HHLA1: variants seen among roughly 807,000 people sequenced by gnomAD.
The protein encoded by HHLA1 is HHLA1 neighbor of OC90.
Under a neutral mutation model 69.9 loss-of-function variants are expected in HHLA1, and 72 were observed. The ratio of observed to expected loss-of-function variants is 1.03; its 90% CI spans 0.85 to 1.25. HHLA1 has a LOEUF of 1.25. HHLA1 is among the 50% of genes most tolerant of loss of function. HHLA1 has a pLI of 0.00. For synonymous variants in HHLA1, 252 were observed against 233.2 expected, an observed-to-expected ratio of 1.08 and a Z score of -0.73; for missense variants, 685 against 642.2, an observed-to-expected ratio of 1.07 and a Z score of -0.72.
At chr8:132,066,245 G>A (rs74979061) in intron 15 of HHLA1, among the ~76,000 whole-genome samples, 2,206 of 152,194 alleles carry the variant, frequency 0.014, 38 homozygotes, top group African/African-American at 0.046. Context: ...TAATTCTCTG[G>A]ACTTTAATTT....
chr8:132,103,212 T>C (rs944841364), intron 3 of HHLA1, among the ~76,000 whole-genome samples: 1 of 152,192 alleles, frequency 6.6e-6, no homozygotes, highest in Non-Finnish European at 1.5e-5. Flanking sequence ...ATTGGTACAA[T>C]TGGTGCTTTC....
chr8:132,087,033 G>A (rs1436792878), intron 10 of HHLA1, among the ~76,000 whole-genome samples: 3 of 152,222 alleles, frequency 2.0e-5, no homozygotes, highest in South Asian at 2.1e-4. Flanking sequence ...CTGGAGTAAC[G>A]TAGAGTCCAA....
chr8:132,083,000 G>T (rs2130886145), intron 10 of HHLA1, among the ~76,000 whole-genome samples: 1 of 151,428 alleles, frequency 6.6e-6, no homozygotes, highest in Non-Finnish European at 1.5e-5. Context: ...GTGGGGTAAG[G>T]GTGATTAGGT....
At chr8:132,095,456 C>G (rs964460431) in intron 7 of HHLA1, 63 bp downstream of exon 7, 2 of 1,112,364 alleles carry the variant, frequency 1.8e-6, no homozygotes, top group African/African-American at 3.1e-5. Flanking sequence ...AAAACAAAAA[C>G]TTATCTAAAA....
intron 14 of HHLA1, among the ~76,000 whole-genome samples, chr8:132,075,803 T>G (rs571267985): frequency 6.6e-6 from 1 of 152,194 alleles, no homozygotes; most frequent in Non-Finnish European, 1.5e-5. Context: ...ATACAAAACC[T>G]TGTGGGAAAG....
intron 7 of HHLA1, among the ~76,000 whole-genome samples, chr8:132,093,918 G>T (rs544071233): frequency 6.4e-4 from 98 of 152,138 alleles, no homozygotes; most frequent in Admixed American, 1.2e-3. Context: ...AGCACTCATT[G>T]TAGCATCTCG....
intron 10 of HHLA1, among the ~76,000 whole-genome samples, chr8:132,081,426 GA>G (rs1823751190): frequency 6.6e-6 from 1 of 152,178 alleles, no homozygotes; most frequent in Admixed American, 6.5e-5. Context: ...TGAGCTTGGT[GA>G]GGTGTGTTTT....
At chr8:132,107,429 C>A (rs1425512096) in intron 1 of HHLA1, among the ~76,000 whole-genome samples, 2 of 152,022 alleles carry the variant, frequency 1.3e-5, no homozygotes, top group African/African-American at 4.8e-5. Flanking sequence ...GACTCCCGAG[C>A]AGCTGGGATT....
chr8:132,102,217 C>T (rs1334499987), intron 3 of HHLA1, among the ~76,000 whole-genome samples: 2 of 152,196 alleles, frequency 1.3e-5, no homozygotes, highest in Admixed American at 1.3e-4. Context: ...TATGTATATA[C>T]CACATTTCCT....
chr8:132,091,567 GTTA>G (rs1443917481), intron 7 of HHLA1, among the ~76,000 whole-genome samples: 1 of 152,200 alleles, frequency 6.6e-6, no homozygotes, highest in Non-Finnish European at 1.5e-5. Context: ...AAGAAAGCCA[GTTA>G]TTATTAACTC....
chr8:132,089,631 TG>T, intron 7 of HHLA1, 32 bp from the exon 8 acceptor site: 1 of 1,047,724 alleles, frequency 9.5e-7, no homozygotes, highest in Non-Finnish European at 1.5e-6. Context: ...TTTAAATTTC[TG>T]CTTCAGAGAC....
At chr8:132,087,475 T>C (rs1372875634) in intron 10 of HHLA1, among the ~76,000 whole-genome samples, 178 bp downstream of exon 10, 3 of 152,162 alleles carry the variant, frequency 2.0e-5, no homozygotes, top group Non-Finnish European at 4.4e-5. Context: ...AGATCTAGAA[T>C]TGCCAGACCT....
rs540878337 is a variant in HHLA1 at position 132,076,764 on chromosome 8, T to C, written c.1172-221A>G. Among the ~76,000 whole-genome samples, 13 of 152,188 alleles carry C rather than the reference T, an allele frequency of 8.5e-5. No homozygotes were observed. The East Asian group carries it at 2.1e-3, about 25-fold the overall frequency. Reference sequence around the variant, plus strand: ...TCATTACTGTGATACAGCGTGATGGTTGCCATTGGAAACCAGCTGACATTG... The same window carrying C: ...TCATTACTGTGATACAGCGTGATGGCTGCCATTGGAAACCAGCTGACATTG... On this transcript the variant is annotated intron_variant, in intron 12 of 16. Transcript: ENST00000414222.
chr8:132,100,028 G>GCT (rs1170386889), intron 4 of HHLA1, 47 bp downstream of exon 4: 4 of 1,442,354 alleles, frequency 2.8e-6, no homozygotes, highest in Non-Finnish European at 3.8e-6. Flanking sequence ...TGGAGGAATT[G>GCT]CTCTGCAACC....
At chr8:132,070,382 T>C (rs1823512707) in intron 15 of HHLA1, 1 of 702,074 alleles carries the variant, frequency 1.4e-6, no homozygotes, top group Non-Finnish European at 2.6e-6. Flanking sequence ...ATGAAAGAAC[T>C]GGAATTTAGA....
intron 10 of HHLA1, among the ~76,000 whole-genome samples, chr8:132,086,644 G>A (rs546462048): frequency 6.6e-6 from 1 of 152,126 alleles, no homozygotes; most frequent in Non-Finnish European, 1.5e-5. Flanking sequence ...GGTGTGGTGG[G>A]AATGTCATGG....
In HHLA1 at chr8:132,077,907, C is replaced by T. The variant is rs571983359; in HGVS notation, c.990G>A (p.Ser330=). The T allele has an allele frequency of 9.8e-5, 152 of 1,551,522 alleles. 1 individual carries two copies. The highest frequency in any genetic ancestry group is 5.0e-4 in the Middle Eastern group (3 of 5,992). Reference sequence around the variant, plus strand: ...TGATGGTCTGAGCCCAGGGCACGGACGATATGGAAGCCCACGTCTGTCTGT... The same window carrying T: ...TGATGGTCTGAGCCCAGGGCACGGATGATATGGAAGCCCACGTCTGTCTGT... ...TADRQTWASI[S]SVPWAQTISE... The change falls in exon 12 of 17, where the codon TCG becomes TCA. Residue 330 remains serine (S), a synonymous_variant. Coordinates refer to ENST00000414222, the MANE Select transcript of HHLA1 (RefSeq NM_001145095.3).
chr8:132,066,484 C>A (rs1823441898), intron 15 of HHLA1, among the ~76,000 whole-genome samples: 1 of 152,162 alleles, frequency 6.6e-6, no homozygotes, highest in Non-Finnish European at 1.5e-5. Context: ...ACATTCTGTT[C>A]TTGGTCAGAG....
At chr8:132,097,379 G>C (rs1431715911) in intron 5 of HHLA1, among the ~76,000 whole-genome samples, 2 of 152,182 alleles carry the variant, frequency 1.3e-5, no homozygotes, top group Admixed American at 6.5e-5. Context: ...CTTTGGGCTA[G>C]ATCACAAACC....
Sources: allele counts gnomAD v4.1 joint callset (sites outside exome capture counted in the v4.1 genomes callset), GRCh38; gene constraint gnomAD v4.1.1; transcripts MANE v1.5; gene names NCBI Gene and HGNC (gene_info 2026-07-23, HGNC 2026-07-21).